ZMYND10: variants seen among roughly 807,000 people sequenced by gnomAD.
ZMYND10 encodes the protein zinc finger MYND-type containing 10.
ZMYND10 carries 52 observed loss-of-function variants against 62.6 expected under a neutral mutation model. That is an observed-to-expected ratio of 0.83 (90% CI 0.67 to 1.05). The LOEUF (loss-of-function observed/expected upper bound fraction) is 1.05, where lower values mean the gene tolerates loss of function less well. ZMYND10 is among the 50% of genes least tolerant of loss of function. The pLI is 0.00. For missense variants in ZMYND10, 438 were observed against 543.3 expected (o/e 0.81, Z 1.93); for synonymous variants, 197 against 218.5 (o/e 0.90, Z 0.87).
rs778224292 is a variant in ZMYND10 at position 50,341,804 on chromosome 3, C to T, written c.1121+6G>A. The T allele has an allele frequency of 8.7e-6, 14 of 1,613,716 alleles. No homozygotes were observed. The highest frequency in any genetic ancestry group is 1.3e-5 in the African/African-American group (1 of 74,958). ...CCACCCTCCCTGCCATTTCCACAGG[C>T]CTTACCTTCGCGCCTGCAGCCGCAG... On this transcript the variant is annotated splice_donor_region_variant and intron_variant, in intron 10 of 11. Coordinates refer to ENST00000231749, the MANE Select transcript of ZMYND10 (RefSeq NM_015896.4).
rs769372980 is a variant in ZMYND10, at chr3:50,345,249, G to C, written c.93-17C>G. Reference sequence around the variant, plus strand: ...TGGTTCCACCTGCCTCAGAGGGTAAGTGCATGTGCGTCCACGTGTGTGCAT... The same window carrying C: ...TGGTTCCACCTGCCTCAGAGGGTAACTGCATGTGCGTCCACGTGTGTGCAT... On this transcript the variant is annotated splice_polypyrimidine_tract_variant and intron_variant, in intron 1 of 11. Transcript: ENST00000231749. The surrounding 1 kb of genome is among the most constrained non-coding windows in gnomAD (Gnocchi z 5.0). 1 of 1,610,574 alleles carries C rather than the reference G, an allele frequency of 6.2e-7. No homozygotes were observed. Among genetic ancestry groups the C allele is most frequent in the African/African-American group, 1.3e-5 (1 of 74,908 alleles).
chr3:50,345,618 G>C lies in ZMYND10; in HGVS notation c.-39C>G. The C allele has an allele frequency of 6.4e-7, 1 of 1,551,630 alleles. No individual in the cohort carries two copies. On this transcript the variant is annotated 5_prime_UTR_variant, in exon 1 of 12. Coordinates refer to ENST00000231749, the MANE Select transcript of ZMYND10 (RefSeq NM_015896.4). This position sits in a 1 kb window ranked among gnomAD's most constrained non-coding sequence, Gnocchi z 5.0. ...TCCGGCGGATCCTGGGCAGCAGCCGGGGTGGGGATGCTGTCACATTCGGGG... is the reference window on the plus strand; with the variant it reads ...TCCGGCGGATCCTGGGCAGCAGCCGCGGTGGGGATGCTGTCACATTCGGGG...
At chr3:50,343,054 G>A in intron 6 of ZMYND10, 36 bp from the exon 7 acceptor site, 3 of 1,613,942 alleles carry the variant, frequency 1.9e-6, no homozygotes, top group Non-Finnish European at 2.5e-6. Context: ...GGTGAGTAGA[G>A]GCAGGCTACA....
At position 50,345,077 on chromosome 3, in the gene ZMYND10, G is replaced by A; in HGVS notation, c.201+47C>T. ...AGGGGACTCCGGAGGGGTAGAGTAG[G>A]TGAGGTATGGGGGAAGGCAGGAACC... On this transcript the variant is annotated intron_variant, in intron 2 of 11. Coordinates refer to ENST00000231749, the MANE Select transcript of ZMYND10 (RefSeq NM_015896.4). The surrounding 1 kb of genome is among the most constrained non-coding windows in gnomAD (Gnocchi z 5.0). 3.8e-6 allele frequency: 6 copies of A among 1,559,462 alleles called. No individual in the cohort carries two copies. Among genetic ancestry groups the A allele is most frequent in the East Asian group, 4.5e-5 (2 of 44,232 alleles).
In ZMYND10 at chr3:50,342,396, C is replaced by A. The variant is rs1470969068; in HGVS notation, c.873+1G>T. 3.8e-6 allele frequency: 6 copies of A among 1,571,426 alleles called. No individual in the cohort carries two copies. Among genetic ancestry groups the A allele is most frequent in the Non-Finnish European group, 5.2e-6 (6 of 1,157,646 alleles). On this transcript the variant is annotated splice_donor_variant, in intron 8 of 11. Transcript: ENST00000231749. LOFTEE classifies it high-confidence loss of function. ...GGGGGCTGGTGCGGAGGGAGTCTGACCTTGAGTAGCCGTCCCTTGGCAAAA... is the reference window on the plus strand; with the variant it reads ...GGGGGCTGGTGCGGAGGGAGTCTGAACTTGAGTAGCCGTCCCTTGGCAAAA...
Position 50,343,329 on chromosome 3 carries a change from G to A in ZMYND10, c.488C>T (p.Ser163Phe). 1 of 1,612,468 alleles carries A rather than the reference G, an allele frequency of 6.2e-7. No individual in the cohort carries two copies. Among genetic ancestry groups the A allele is most frequent in the African/African-American group, 1.3e-5 (1 of 75,038 alleles). ...GCGGPPEGEGSQDSNPMQELQ... is the reference protein window; with the variant it reads ...GCGGPPEGEGFQDSNPMQELQ... Reference sequence around the variant, plus strand: ...CACCTGCATGGGGTTGCTGTCCTGGGATCCCTCCCCCTCAGGGGGGCCACC... The same window carrying A: ...CACCTGCATGGGGTTGCTGTCCTGGAATCCCTCCCCCTCAGGGGGGCCACC... The change falls in exon 5 of 12, where the codon TCC becomes TTC. Residue 163 changes from serine (S) to phenylalanine (F), a missense_variant. Physicochemically the swap from Ser to Phe is radical, Grantham distance 155 (BLOSUM62 -2). Coordinates refer to ENST00000231749, the MANE Select transcript of ZMYND10 (RefSeq NM_015896.4).
intron 4 of ZMYND10, 41 bp from the exon 5 acceptor site, chr3:50,343,485 T>TC: frequency 1.9e-6 from 3 of 1,613,774 alleles, no homozygotes; most frequent in Non-Finnish European, 2.5e-6. Context: ...TCTGATGCCT[T>TC]CCCCACACAG....
chr3:50,343,042 G>A, intron 6 of ZMYND10, 24 bp from the exon 7 acceptor site: 1 of 1,613,996 alleles, frequency 6.2e-7, no homozygotes, highest in Non-Finnish European at 8.5e-7. Context: ...CGTTGTGAAG[G>A]AGGTGAGTAG....
chr3:50,341,770 G>A (rs2109355267), intron 10 of ZMYND10, 40 bp downstream of exon 10: 1 of 1,611,830 alleles, frequency 6.2e-7, no homozygotes. Flanking sequence ...CATGCCTCCT[G>A]CATCCCCTCC....
At position 50,343,629 on chromosome 3, in the gene ZMYND10, GAGA is replaced by G. The variant is rs749569080; in HGVS notation, c.319-16_319-14del. ...CCTCGTGGTGCACCTGTCAGATAAA[GAGA>G]AGGACAGGGCCTGAGGAAGGGATAG... On this transcript the variant is annotated splice_polypyrimidine_tract_variant and intron_variant, in intron 3 of 11. Transcript: ENST00000231749. The G allele has an allele frequency of 6.2e-7, 1 of 1,614,140 alleles. No homozygotes were observed. The highest frequency in any genetic ancestry group is 8.5e-7 in the Non-Finnish European group (1 of 1,180,018).
Position 50,341,804 on chromosome 3 carries a change from C to A in ZMYND10, c.1121+6G>T, listed in dbSNP as rs778224292. On this transcript the variant is annotated splice_donor_region_variant and intron_variant, in intron 10 of 11. Transcript: ENST00000231749. ...CCACCCTCCCTGCCATTTCCACAGG[C>A]CTTACCTTCGCGCCTGCAGCCGCAG... 11 of 1,613,834 alleles carry A rather than the reference C, an allele frequency of 6.8e-6. No individual in the cohort carries two copies. The highest frequency in any genetic ancestry group is 5.0e-5 in the Admixed American group (3 of 60,012).
At position 50,343,305 on chromosome 3, in the gene ZMYND10, A is replaced by C. The variant is rs1252678306; in HGVS notation, c.510+2T>G. 1.2e-6 allele frequency: 2 copies of C among 1,611,672 alleles called. No individual in the cohort carries two copies. Among genetic ancestry groups the C allele is most frequent in the Admixed American group, 1.7e-5 (1 of 59,872 alleles). ...TCACAACCCTAGGTAACCTCAACCC[A>C]CCTGCATGGGGTTGCTGTCCTGGGA... On this transcript the variant is annotated splice_donor_variant, in intron 5 of 11. Transcript: ENST00000231749. LOFTEE classifies it high-confidence loss of function.
At position 50,345,532 on chromosome 3, in the gene ZMYND10, C is replaced by T. The variant is rs1703518867; in HGVS notation, c.48G>A (p.Val16=). 6.2e-7 allele frequency: 1 copy of T among 1,609,982 alleles called. No individual in the cohort carries two copies. Among genetic ancestry groups the T allele is most frequent in the Non-Finnish European group, 8.5e-7 (1 of 1,178,684 alleles). The change falls in exon 1 of 12, where the codon GTG becomes GTA. Residue 16 remains valine, a synonymous_variant. Coordinates refer to ENST00000231749, the MANE Select transcript of ZMYND10 (RefSeq NM_015896.4). This position sits in a 1 kb window ranked among gnomAD's most constrained non-coding sequence, Gnocchi z 5.0. ...LLLPGEAEVL[V]RGLRSFPLRE... ...GTAGCGGGAAGCTGCGCAGACCCCG[C>T]ACCAGCACTTCAGCTTCCCCGGGCA...
chr3:50,342,705 G>C, intron 7 of ZMYND10, 136 bp from the exon 8 acceptor site: 1 of 1,473,390 alleles, frequency 6.8e-7, no homozygotes, highest in Admixed American at 2.3e-5. Context: ...CTATAGGGCT[G>C]CTGACCCCAG....
At chr3:50,342,752 G>T in intron 7 of ZMYND10, 166 bp downstream of exon 7, 1 of 1,467,300 alleles carries the variant, frequency 6.8e-7, no homozygotes, top group East Asian at 2.5e-5. Context: ...CATGGGCCTG[G>T]CCTGCTGCAG....
intron 7 of ZMYND10, 23 bp from the exon 8 acceptor site, chr3:50,342,592 T>C (rs996485522): frequency 3.4e-5 from 55 of 1,604,596 alleles, no homozygotes; most frequent in Non-Finnish European, 4.0e-5. Context: ...ACCAGCACAC[T>C]GGGTGCAGAC....
Position 50,343,356 on chromosome 3 carries a change from C to T in ZMYND10, c.461G>A (p.Cys154Tyr), listed in dbSNP as rs587704784. 9.3e-6 allele frequency: 15 copies of T among 1,613,470 alleles called. No homozygotes were observed. The African/African-American group carries it at 1.7e-4, about 19-fold the overall frequency. ...KLTLLVAQSG[C>Y]GGPPEGEGSQ... ...TCCCTCCCCCTCAGGGGGGCCACCA[C>T]AGCCACTCTGGGCCACCAGCAGGGT... The change falls in exon 5 of 12, where the codon TGT (cysteine) becomes TAT (tyrosine). Residue 154 changes from cysteine to tyrosine, a missense_variant. Cys to Tyr is a radical substitution (Grantham distance 194). Transcript: ENST00000231749.
rs753061612 is a variant in ZMYND10 at position 50,341,685 on chromosome 3, T to C, written c.1136A>G (p.Tyr379Cys). Reference protein sequence around the residue: ...RLQARRWAETYRLDVLEAVAP... With the variant: ...RLQARRWAETCRLDVLEAVAP... ...CACTGCCTCTAGCACATCCAGCCTG[T>C]AGGTCTCAGCCCACCTGGGGGAAAG... The change falls in exon 11 of 12, where the codon TAC becomes TGC. Residue 379 changes from tyrosine (Y) to cysteine (C), a missense_variant. Tyr to Cys is a radical substitution (Grantham distance 194). Coordinates refer to ENST00000231749, the MANE Select transcript of ZMYND10 (RefSeq NM_015896.4). The C allele has an allele frequency of 8.7e-6, 14 of 1,614,196 alleles. No homozygotes were observed. Among genetic ancestry groups the C allele is most frequent in the Admixed American group, 3.3e-5 (2 of 60,024 alleles).
At position 50,343,773 on chromosome 3, in the gene ZMYND10, C is replaced by T; in HGVS notation, c.279G>A (p.Glu93=). 6.2e-7 allele frequency: 1 copy of T among 1,614,200 alleles called. No individual in the cohort carries two copies. Among genetic ancestry groups the T allele is most frequent in the Non-Finnish European group, 8.5e-7 (1 of 1,180,038 alleles). The change falls in exon 3 of 12, where the codon GAG becomes GAA. Residue 93 remains glutamate (E), a synonymous_variant. Transcript: ENST00000231749. ...GGAAGGTGTTCTGGGGCTTGAAGTC[C>T]TCCACCCTGCAGAACACAGGGAACA... The part of the protein sequence containing the change: ...QKVFPVFCRV[E]DFKPQNTFPI...
Sources: gnomAD v4.1 joint callset for allele counts on GRCh38, gnomAD v4.1.1 for gene constraint, Gnocchi (gnomAD v3.1) non-coding constraint, MANE v1.5 for transcripts, NCBI Gene and HGNC (gene_info 2026-07-23, HGNC 2026-07-21) for gene names.